Variants in CACNA1B observed in about 807,000 individuals in gnomAD.
CACNA1B encodes the protein calcium voltage-gated channel subunit alpha1 B.
A neutral mutation model predicts 247.2 loss-of-function variants in CACNA1B; 70 were observed. The observed-to-expected ratio is 0.28, with a 90% confidence interval of 0.23 to 0.35. The LOEUF (loss-of-function observed/expected upper bound fraction) is 0.35, where lower values mean the gene tolerates loss of function less well. Ranked by LOEUF, CACNA1B falls within the 10% of genes least tolerant of loss-of-function variation. The pLI, the probability that CACNA1B is intolerant of heterozygous loss-of-function variation, is 1.00. For synonymous variants in CACNA1B, 1,231 were observed against 1,294.4 expected, an observed-to-expected ratio of 0.95 and a Z score of 1.05; for missense variants, 2,367 against 3,197.4, an observed-to-expected ratio of 0.74 and a Z score of 6.26.
chr9:137,884,957 T>TCC (rs370592773), intron 3 of CACNA1B, among the ~76,000 whole-genome samples: 3,768 of 60,070 alleles, frequency 0.063, 247 homozygotes, highest in East Asian at 0.14. Context: ...TCTCCCCTCT[T>TCC]CCCCCCCCCC....
rs984699934 is a variant in CACNA1B at position 137,986,694 on chromosome 9, C to T, written c.1902-88C>T. On this transcript the variant is annotated intron_variant, in intron 14 of 46. Transcript: ENST00000371372. This position sits in a 1 kb window ranked among gnomAD's most constrained non-coding sequence, Gnocchi z 6.0. ...GTGTGCAGCCATCTGCAGCCTGAAG[C>T]GAGCAGGTTGAGGCCACGCTGGAGC... 17 of 1,406,792 alleles carry T rather than the reference C, an allele frequency of 1.2e-5. No individual in the cohort carries two copies. Among genetic ancestry groups the T allele is most frequent in the African/African-American group, 7.1e-5 (5 of 70,732 alleles). 87.1% of individuals were successfully genotyped at this position (1,406,792 alleles called of 1,614,324 possible).
intron 20 of CACNA1B, among the ~76,000 whole-genome samples, chr9:138,033,282 T>G (rs1959006302): frequency 6.6e-6 from 1 of 152,252 alleles, no homozygotes; most frequent in African/African-American, 2.4e-5. Context: ...TGCTGATAAT[T>G]TTATATTTTT....
intron 5 of CACNA1B, among the ~76,000 whole-genome samples, chr9:137,916,086 G>C (rs1321337834): frequency 6.6e-6 from 1 of 151,046 alleles, no homozygotes. Context: ...AGGCTGGGGG[G>C]CAGTGGTGCA....
chr9:138,064,073 T>G (rs1418592683), intron 31 of CACNA1B, among the ~76,000 whole-genome samples: 2 of 152,100 alleles, frequency 1.3e-5, no homozygotes, highest in Non-Finnish European at 2.9e-5. Flanking sequence ...GATTCATTGG[T>G]GTCCTGGCCC....
In CACNA1B at chr9:138,058,078, A is replaced by G. The variant is rs1210176022; in HGVS notation, c.4136A>G (p.Tyr1379Cys). ...MVLKHSVDAT[Y>C]EEQGPSPGYR... ...CTGAAACACTCCGTGGATGCCACCT[A>G]TGAGGAGCAGGGTCCAAGCCCTGGG... Residue 1379 changes from tyrosine to cysteine, a missense_variant, in exon 28 of 47, where the codon TAT becomes TGT. By Grantham distance (194) the Tyr-to-Cys change is radical (BLOSUM62 -2). Around this residue, in one of 12 missense-constraint regions of CACNA1B, gnomAD observed 436 missense variants for 679.5 expected, o/e 0.64. Coordinates refer to ENST00000371372, the MANE Select transcript of CACNA1B (RefSeq NM_000718.4). The surrounding 1 kb of genome is among the most constrained non-coding windows in gnomAD (Gnocchi z 4.7). 1.9e-6 allele frequency: 3 copies of G among 1,613,950 alleles called. No individual in the cohort carries two copies. Among genetic ancestry groups the G allele is most frequent in the Non-Finnish European group, 2.5e-6 (3 of 1,179,816 alleles).
At chr9:138,108,945 C>A (rs1265864723) in intron 39 of CACNA1B, among the ~76,000 whole-genome samples, 1 of 152,218 alleles carries the variant, frequency 6.6e-6, no homozygotes, top group African/African-American at 2.4e-5. Context: ...AGCCACTGCA[C>A]CCGGCCAAAC....
intron 6 of CACNA1B, among the ~76,000 whole-genome samples, chr9:137,939,643 C>CAA: frequency 6.8e-6 from 1 of 146,328 alleles, no homozygotes; most frequent in Middle Eastern, 3.5e-3. Flanking sequence ...ACCAAAAATA[C>CAA]AAAAAAAAAA....
At position 138,093,209 on chromosome 9, in the gene CACNA1B, C is replaced by T. The variant is rs1178752674; in HGVS notation, c.5095-3275C>T. Among the ~76,000 whole-genome samples, 5 of 151,970 alleles carry T rather than the reference C, an allele frequency of 3.3e-5. No individual in the cohort carries two copies. The East Asian group carries it at 9.7e-4, about 29-fold the overall frequency. On this transcript the variant is annotated intron_variant, in intron 36 of 46. Transcript: ENST00000371372. ...CCGAGGTAGACAGATCACCTAAGTT[C>T]AGGAGTTCAAGACCAGCTTGGCCAA...
chr9:138,052,225 TGTGTGTGTGCGTGTGTGTGTGTGC>T lies in CACNA1B; in HGVS notation c.3807+47_3807+70del. 1.7e-6 allele frequency: 2 copies of T among 1,174,672 alleles called. No individual in the cohort carries two copies. The highest frequency in any genetic ancestry group is 2.5e-6 in the Non-Finnish European group (2 of 795,256). 72.8% of individuals were successfully genotyped at this position (1,174,672 alleles called of 1,614,324 possible). A position where few individuals can be genotyped will look rare whatever the true frequency, so the allele number is the denominator to read the frequency against. ...GAGTTGGGGCTTGAGGGATGTGCTG[TGTGTGTGTGCGTGTGTGTGTGTGC>T]GTGTGTGTGTGTGTATGCATGCAGT... On this transcript the variant is annotated intron_variant, in intron 25 of 46. Coordinates refer to ENST00000371372, the MANE Select transcript of CACNA1B (RefSeq NM_000718.4). The surrounding 1 kb of genome is among the most constrained non-coding windows in gnomAD (Gnocchi z 5.1).
Position 138,122,608 on chromosome 9 carries a change from G to T in CACNA1B, c.*609G>T, listed in dbSNP as rs201292248. On this transcript the variant is annotated 3_prime_UTR_variant, in exon 47 of 47. Transcript: ENST00000371372. ...TTTAATTGCAACACCTCTCATTCTT[G>T]TCACTTCTATATACGTGATGTAGAA... 4 of 152,606 alleles carry T rather than the reference G, an allele frequency of 2.6e-5. No homozygotes were observed. The highest frequency in any genetic ancestry group is 9.6e-5 in the African/African-American group (4 of 41,460). 9.5% of individuals were successfully genotyped at this position (152,606 alleles called of 1,614,324 possible).
At chr9:137,976,453 T>G (rs1308329558) in intron 12 of CACNA1B, among the ~76,000 whole-genome samples, 1 of 152,240 alleles carries the variant, frequency 6.6e-6, no homozygotes, top group Non-Finnish European at 1.5e-5. Context: ...GGTCCTGCCC[T>G]CTCTGTGAGG....
chr9:138,064,413 G>T (rs1199754469), intron 31 of CACNA1B, among the ~76,000 whole-genome samples: 1 of 152,216 alleles, frequency 6.6e-6, no homozygotes, highest in Non-Finnish European at 1.5e-5. Flanking sequence ...TCTGAAAACT[G>T]ACTGGTTGAG....
chr9:137,894,105 A>G (rs1274548610), intron 3 of CACNA1B, among the ~76,000 whole-genome samples: 1 of 152,202 alleles, frequency 6.6e-6, no homozygotes, highest in Non-Finnish European at 1.5e-5. Context: ...TTTTTGTGTA[A>G]ATATAAGTTC....
chr9:138,000,187 C>T (rs1211923912), intron 15 of CACNA1B, among the ~76,000 whole-genome samples: 4 of 151,518 alleles, frequency 2.6e-5, no homozygotes, highest in East Asian at 1.9e-4. Context: ...CAAGCTCCGC[C>T]TCCCGGGTTC....
intron 36 of CACNA1B, among the ~76,000 whole-genome samples, chr9:138,087,980 C>T (rs1960756784): frequency 6.6e-6 from 1 of 151,826 alleles, no homozygotes; most frequent in Non-Finnish European, 1.5e-5. Flanking sequence ...AAACCCAAAC[C>T]AGGCCGAAAA....
chr9:137,900,639 C>A (rs529051550), intron 3 of CACNA1B, among the ~76,000 whole-genome samples: 2 of 147,832 alleles, frequency 1.4e-5, no homozygotes, highest in East Asian at 4.0e-4. Flanking sequence ...GTCTCTGTGT[C>A]TGTGTGTCTG....
intron 10 of CACNA1B, among the ~76,000 whole-genome samples, chr9:137,969,172 C>A (rs1196775046): frequency 1.3e-5 from 2 of 152,176 alleles, no homozygotes; most frequent in East Asian, 3.9e-4. Flanking sequence ...GGGGCTGCAC[C>A]CAGCTCTCCC....
intron 31 of CACNA1B, among the ~76,000 whole-genome samples, chr9:138,062,721 G>C (rs917141975): frequency 6.6e-6 from 1 of 152,234 alleles, no homozygotes; most frequent in Admixed American, 6.5e-5. Flanking sequence ...ACTTTACCCA[G>C]TATCCTTACC....
intron 20 of CACNA1B, among the ~76,000 whole-genome samples, chr9:138,029,236 CGTTATTG>C (rs772602737): frequency 6.6e-6 from 1 of 152,158 alleles, no homozygotes; most frequent in South Asian, 2.1e-4. Context: ...AGGATATTCC[CGTTATTG>C]GTTCATAAAA....
Sources: allele counts gnomAD v4.1 joint callset (sites outside exome capture counted in the v4.1 genomes callset), GRCh38; gene constraint gnomAD v4.1.1; regional missense constraint gnomAD v4.1.1; non-coding constraint Gnocchi (gnomAD v3.1); transcripts MANE v1.5; gene names NCBI Gene and HGNC (gene_info 2026-07-23, HGNC 2026-07-21).